The following ADAM32 variants were observed in gnomAD, a reference collection of about 807,000 sequenced individuals.
ADAM32 encodes the protein disintegrin and metalloproteinase domain-containing protein 32.
A neutral mutation model predicts 114.9 loss-of-function variants in ADAM32; 89 were observed. The observed-to-expected ratio is 0.77, with a 90% CI of 0.65 to 0.92. ADAM32 has a LOEUF of 0.92. ADAM32 is among the 40% of genes least tolerant of loss of function. ADAM32 has a pLI of 0.00. For missense variants in ADAM32, 870 were observed against 932.8 expected (o/e 0.93, Z 0.88); for synonymous variants, 285 against 307.5 (o/e 0.93, Z 0.77).
chr8:39,282,337 C>T (rs930409350), intron 23 of ADAM32, among the ~76,000 whole-genome samples: 11 of 152,136 alleles, frequency 7.2e-5, no homozygotes, highest in Admixed American at 4.6e-4. Flanking sequence ...TTCACATATG[C>T]ACATATAATT....
At chr8:39,145,533 A>G (rs1267839607) in intron 3 of ADAM32, among the ~76,000 whole-genome samples, 1 of 152,122 alleles carries the variant, frequency 6.6e-6, no homozygotes, top group African/African-American at 2.4e-5. Flanking sequence ...ATGCCATGGA[A>G]ACATTTAAGG....
chr8:39,202,051 G>T (rs1215904332), intron 11 of ADAM32, among the ~76,000 whole-genome samples: 1 of 152,172 alleles, frequency 6.6e-6, no homozygotes, highest in Non-Finnish European at 1.5e-5. Flanking sequence ...GAGGATTTTT[G>T]CATTGATGTT....
At chr8:39,213,081 T>G (rs1482051500) in intron 12 of ADAM32, among the ~76,000 whole-genome samples, 1 of 152,186 alleles carries the variant, frequency 6.6e-6, no homozygotes, top group African/African-American at 2.4e-5. Flanking sequence ...CAGTGCAGTT[T>G]GGATATACAT....
chr8:39,107,699 G>GGCGTCCGC (rs1347223284), upstream of ADAM32: 6 of 1,544,400 alleles, frequency 3.9e-6, no homozygotes, highest in East Asian at 4.9e-5. Flanking sequence ...AGCGGCCCCC[G>GGCGTCCGC]GCGTCCGCGC....
intron 3 of ADAM32, among the ~76,000 whole-genome samples, chr8:39,144,668 T>G (rs35382655): frequency 0.52 from 79,047 of 152,044 alleles, 21,557 homozygotes; most frequent in Non-Finnish European, 0.6. Context: ...AACACAAAAA[T>G]GTCATATATG....
At chr8:39,128,462 CT>C (rs1564448303) in intron 2 of ADAM32, among the ~76,000 whole-genome samples, 2 of 152,174 alleles carry the variant, frequency 1.3e-5, no homozygotes, top group Non-Finnish European at 2.9e-5. Context: ...GGTCTTGGCT[CT>C]TTATCCAGCT....
chr8:39,198,360 T>G (rs1404332596), intron 11 of ADAM32, among the ~76,000 whole-genome samples: 2 of 152,150 alleles, frequency 1.3e-5, no homozygotes, highest in Non-Finnish European at 2.9e-5. Flanking sequence ...TTCTGATTGA[T>G]ATATTCTTTC....
At chr8:39,238,136 C>T (rs1373655228) in intron 16 of ADAM32, among the ~76,000 whole-genome samples, 1 of 152,228 alleles carries the variant, frequency 6.6e-6, no homozygotes, top group East Asian at 1.9e-4. Context: ...AACCAGTGCA[C>T]TAAACAAGAC....
At chr8:39,129,701 G>T (rs1042172971) in intron 2 of ADAM32, among the ~76,000 whole-genome samples, 1 of 152,072 alleles carries the variant, frequency 6.6e-6, no homozygotes, top group African/African-American at 2.4e-5. Flanking sequence ...ACTATATTTA[G>T]AAATGTTTCT....
At chr8:39,235,725 G>C (rs1033738765) in intron 16 of ADAM32, among the ~76,000 whole-genome samples, 6 of 151,976 alleles carry the variant, frequency 3.9e-5, no homozygotes, top group African/African-American at 1.5e-4. Context: ...TTATTCAGTG[G>C]GGAATCTATC....
intron 10 of ADAM32, among the ~76,000 whole-genome samples, chr8:39,181,148 T>C (rs1375227469): frequency 1.3e-5 from 2 of 152,232 alleles, no homozygotes; most frequent in Non-Finnish European, 2.9e-5. Context: ...TTTTCCACAC[T>C]GTGGAAGCTT....
chr8:39,138,508 CT>C (rs984550097), intron 3 of ADAM32, among the ~76,000 whole-genome samples: 25 of 152,072 alleles, frequency 1.6e-4, no homozygotes, highest in African/African-American at 5.1e-4. Flanking sequence ...TAAACTCATC[CT>C]TTTTTATGGC....
chr8:39,169,903 T>A lies in ADAM32; in HGVS notation c.834-13T>A, dbSNP rs763150633. On this transcript the variant is annotated splice_polypyrimidine_tract_variant and intron_variant, in intron 9 of 24. Coordinates refer to ENST00000379907, the MANE Select transcript of ADAM32 (RefSeq NM_145004.7). ...TGTTAAAATCAATTATAAATGTAAA[T>A]TTATTTATTTAGTTATATGGATTAT... is the stretch of plus-strand genomic sequence containing the variant. 13 of 1,510,498 alleles carry A rather than the reference T, an allele frequency of 8.6e-6. No homozygotes were observed. Among genetic ancestry groups the A allele is most frequent in the Non-Finnish European group, 1.2e-5 (13 of 1,104,594 alleles). 93.6% of individuals were successfully genotyped at this position (1,510,498 alleles called of 1,614,324 possible).
intron 11 of ADAM32, among the ~76,000 whole-genome samples, chr8:39,201,298 G>A (rs574038434): frequency 2.8e-4 from 42 of 152,138 alleles, no homozygotes; most frequent in African/African-American, 8.4e-4. Context: ...CTTTTAGTTC[G>A]TTGAGCAGTG....
intron 9 of ADAM32, chr8:39,165,885 A>T (rs1804800798): frequency 6.6e-6 from 1 of 151,944 alleles, no homozygotes; most frequent in Non-Finnish European, 1.5e-5. Flanking sequence ...TGTCATTGTC[A>T]TTTTAATTTG....
chr8:39,221,779 G>A, intron 13 of ADAM32, 77 bp downstream of exon 13: 2 of 826,548 alleles, frequency 2.4e-6, no homozygotes, highest in Non-Finnish European at 3.6e-6. Context: ...CAGACCTACA[G>A]CTGTAATTAC....
At chr8:39,140,778 G>C (rs922514758) in intron 3 of ADAM32, among the ~76,000 whole-genome samples, 1 of 152,114 alleles carries the variant, frequency 6.6e-6, no homozygotes, top group Non-Finnish European at 1.5e-5. Context: ...GAATCTGTCT[G>C]GTCCTGGACT....
chr8:39,205,191 C>T (rs1011500352), intron 11 of ADAM32, among the ~76,000 whole-genome samples: 2 of 152,234 alleles, frequency 1.3e-5, no homozygotes, highest in Admixed American at 1.3e-4. Flanking sequence ...GAGGTTTCTG[C>T]TGCCTTTTGT....
At chr8:39,170,675 C>G (rs984928706) in intron 10 of ADAM32, among the ~76,000 whole-genome samples, 2 of 151,764 alleles carry the variant, frequency 1.3e-5, no homozygotes, top group African/African-American at 4.8e-5. Flanking sequence ...CATTTTGCCA[C>G]CAGGTGGAGA....
Sources: allele counts gnomAD v4.1 joint callset (sites outside exome capture counted in the v4.1 genomes callset), GRCh38; gene constraint gnomAD v4.1.1; transcripts MANE v1.5; gene names NCBI Gene and HGNC (gene_info 2026-07-23, HGNC 2026-07-21).